NPY4R: variants seen among roughly 807,000 people sequenced by gnomAD.
NPY4R encodes the protein neuropeptide Y receptor type 4.
Under a neutral mutation model 11.9 loss-of-function variants are expected in NPY4R, and 2 were observed. That is an observed-to-expected ratio of 0.17 (90% CI 0.07 to 0.53). NPY4R has a LOEUF of 0.53. Ranked by LOEUF, NPY4R falls within the 20% of genes least tolerant of loss-of-function variation. NPY4R has a pLI of 0.94. For missense variants in NPY4R, 26 were observed against 280.2 expected (o/e 0.09, Z 6.48); for synonymous variants, 8 against 121.7 (o/e 0.07, Z 6.15).
At chr10:46,466,276 CTTTCTT>C (rs1389437490), upstream of NPY4R, among the ~76,000 whole-genome samples, 5 of 56,198 alleles carry the variant, frequency 8.9e-5, no homozygotes, top group African/African-American at 4.6e-4. Flanking sequence ...TTCTTTCTTT[CTTTCTT>C]TCTCTCTCTC....
chr10:46,466,251 CTTTCTTTCTTTCCTTT>C (rs1588926633), upstream of NPY4R, among the ~76,000 whole-genome samples: 195 of 68,424 alleles, frequency 2.8e-3, 29 homozygotes, highest in Non-Finnish European at 4.2e-3. Context: ...TTCTTTCTTT[CTTTCTTTCTTTCCTTT>C]CTTTCTTTCT....
upstream of NPY4R, among the ~76,000 whole-genome samples, chr10:46,466,282 T>TTCTTTCTC: frequency 1.6e-5 from 1 of 63,754 alleles, no homozygotes; most frequent in African/African-American, 8.7e-5. Flanking sequence ...CTTTCTTTCT[T>TTCTTTCTC]TCTCTCTCTC....
chr10:46,466,183 CTTTCTTTCTTTCTTTCTT>C (rs1276425670), upstream of NPY4R, among the ~76,000 whole-genome samples: 2,576 of 93,568 alleles, frequency 0.028, 414 homozygotes, highest in East Asian at 0.046. Context: ...GTCTTTCTCT[CTTTCTTTCTTTCTTTCTT>C]TCTTTCTTTC....
At chr10:46,466,266 TTC>T (rs1841043681), upstream of NPY4R, among the ~76,000 whole-genome samples, 1 of 69,012 alleles carries the variant, frequency 1.4e-5, no homozygotes, top group African/African-American at 8.3e-5. Flanking sequence ...TTTCTTTCCT[TTC>T]TTTCTTTCTT....
chr10:46,466,189 T>TTCTC (rs1419294982), upstream of NPY4R, among the ~76,000 whole-genome samples: 1 of 13,546 alleles, frequency 7.4e-5, no homozygotes, highest in African/African-American at 3.3e-4. Context: ...CTCTCTTTCT[T>TTCTC]TCTTTCTTTC....
intron 1 of NPY4R, among the ~76,000 whole-genome samples, chr10:46,464,266 G>A (rs1318480911): frequency 6.6e-6 from 1 of 151,160 alleles, no homozygotes; most frequent in Non-Finnish European, 1.5e-5. Context: ...CTACATGGGA[G>A]GGTGAAGCAG....
At position 46,462,402 on chromosome 10, in the gene NPY4R, C is replaced by G. The variant is rs28691230; in HGVS notation, c.234G>C (p.Leu78=). The G allele has an allele frequency of 3.0e-3, 4,797 of 1,611,828 alleles. 2 individuals are homozygous for G. The African/African-American group carries it at 0.058, about 19-fold the overall frequency. ...CAGAGAAGGCCAGGTTGGCGATAAG[C>G]AGGTTGGTCACGTTGGCTTTCTCCT... The part of the protein sequence containing the change: ...RQKEKANVTN[L]LIANLAFSDF... The change falls in exon 3 of 3, where the codon CTG becomes CTC. Residue 78 remains leucine, a synonymous_variant. Coordinates refer to ENST00000374312, the MANE Select transcript of NPY4R (RefSeq NM_005972.6).
chr10:46,466,256 TTTCTTTCCTTTC>T (rs1841039500), upstream of NPY4R, among the ~76,000 whole-genome samples: 2 of 70,620 alleles, frequency 2.8e-5, no homozygotes, highest in African/African-American at 7.8e-5. Context: ...TCTTTCTTTC[TTTCTTTCCTTTC>T]TTTCTTTCTT....
chr10:46,466,199 C>CT (rs1356972395), upstream of NPY4R, among the ~76,000 whole-genome samples: 1 of 59,064 alleles, frequency 1.7e-5, no homozygotes, highest in African/African-American at 1.1e-4. Flanking sequence ...TTCTTTCTTT[C>CT]TTTCTTTCTT....
At chr10:46,466,207 CTTT>C (rs1841023893), upstream of NPY4R, among the ~76,000 whole-genome samples, 2 of 53,768 alleles carry the variant, frequency 3.7e-5, no homozygotes, top group Non-Finnish European at 7.2e-5. Context: ...TTCTTTCTTT[CTTT>C]CTTTCTTTCT....
upstream of NPY4R, among the ~76,000 whole-genome samples, chr10:46,466,181 CTCTT>C (rs1171598410): frequency 0.014 from 310 of 21,936 alleles, 14 homozygotes; most frequent in Middle Eastern, 0.022. Context: ...CTGTCTTTCT[CTCTT>C]TCTTTCTTTC....
At chr10:46,466,238 TCTTTCTTTC>T (rs1841031700), upstream of NPY4R, among the ~76,000 whole-genome samples, 1 of 68,798 alleles carries the variant, frequency 1.5e-5, no homozygotes, top group East Asian at 2.3e-4. Flanking sequence ...TTTCTTTCTT[TCTTTCTTTC>T]TTTCTTTCTT....
chr10:46,466,286 C>CTTTCTTTCTTTCTTT (rs782691125), upstream of NPY4R, among the ~76,000 whole-genome samples: 1 of 14,972 alleles, frequency 6.7e-5, no homozygotes, highest in African/African-American at 2.6e-4. Flanking sequence ...CTTTCTTTCT[C>CTTTCTTTCTTTCTTT]TCTCTCTCTC....
At chr10:46,466,552 G>A (rs146927050), upstream of NPY4R, among the ~76,000 whole-genome samples, 807 of 53,234 alleles carry the variant, frequency 0.015, 1 homozygote, top group Non-Finnish European at 0.023. Context: ...GTTCCTTCTG[G>A]AGCTCTCAGC....
At chr10:46,466,268 CTTTCTTTCTT>C (rs1841044633), upstream of NPY4R, among the ~76,000 whole-genome samples, 104 of 65,406 alleles carry the variant, frequency 1.6e-3, 2 homozygotes, top group African/African-American at 8.5e-3. Context: ...TCTTTCCTTT[CTTTCTTTCTT>C]TCTTTCTCTC....
upstream of NPY4R, among the ~76,000 whole-genome samples, chr10:46,467,323 AC>A (rs1841077211): frequency 9.4e-6 from 1 of 106,324 alleles, no homozygotes; most frequent in Admixed American, 9.7e-5. Flanking sequence ...CAGGATGCGA[AC>A]CCACCTGCCA....
At chr10:46,466,247 CTTT>C (rs1841034771), upstream of NPY4R, among the ~76,000 whole-genome samples, 533 of 68,760 alleles carry the variant, frequency 7.8e-3, 68 homozygotes, top group Admixed American at 0.047. Context: ...TTCTTTCTTT[CTTT>C]CTTTCTTTCT....
chr10:46,461,917 C>T lies in NPY4R; in HGVS notation c.719G>A (p.Cys240Tyr), dbSNP rs139014994. Residue 240 changes from cysteine to tyrosine, a missense_variant, in exon 3 of 3, where the codon TGC (cysteine) becomes TAC (tyrosine). Transcript: ENST00000374312. ...ILVCYARIYR[C>Y]LQRQGRVFHK... The stretch of plus-strand genomic sequence containing the variant: ...AAACACGCGCCCCTGCCTCTGCAGG[C>T]ACCGGTAGATGCGTGCATAACAGAC... 3 of 1,000,534 alleles carry T rather than the reference C, an allele frequency of 3.0e-6. No individual in the cohort carries two copies. The highest frequency in any genetic ancestry group is 5.0e-5 in the African/African-American group (1 of 20,196). The allele number at this position is 1,000,534 out of a possible 1,614,324, so 62.0% of individuals were successfully genotyped here. A position where few individuals can be genotyped will look rare whatever the true frequency, so the allele number is the denominator to read the frequency against.
At chr10:46,466,284 C>CTT (rs1468439122), upstream of NPY4R, among the ~76,000 whole-genome samples, 52 of 33,010 alleles carry the variant, frequency 1.6e-3, 6 homozygotes, top group African/African-American at 3.4e-3. Context: ...TTCTTTCTTT[C>CTT]TCTCTCTCTC....
Sources: gnomAD v4.1 joint callset for allele counts (sites outside exome capture counted in the v4.1 genomes callset) on GRCh38, gnomAD v4.1.1 for gene constraint, MANE v1.5 for transcripts, NCBI Gene and HGNC (gene_info 2026-07-23, HGNC 2026-07-21) for gene names.